The following WWOX variants were observed in gnomAD, a reference collection of about 807,000 sequenced individuals.
WWOX encodes WW domain containing oxidoreductase.
WWOX carries 69 observed loss-of-function variants against 46.2 expected under a neutral mutation model. The observed-to-expected ratio is 1.49, with a 90% CI of 1.23 to 1.82. The LOEUF is 1.82. WWOX is among the 40% of genes most tolerant of loss of function. The pLI is 0.00. For missense variants in WWOX, 919 were observed against 542.6 expected, an observed-to-expected ratio of 1.69 and a Z score of -6.89; for synonymous variants, 359 against 202.6, an observed-to-expected ratio of 1.77 and a Z score of -6.56.
At chr16:78,974,865 C>A (rs965110809) in intron 8 of WWOX, among the ~76,000 whole-genome samples, 1 of 152,172 alleles carries the variant, frequency 6.6e-6, no homozygotes, top group Non-Finnish European at 1.5e-5. Flanking sequence ...TTCCTGTCCA[C>A]TGGAGGCCCG....
intron 8 of WWOX, among the ~76,000 whole-genome samples, chr16:78,849,585 A>AAG (rs1555549762): frequency 6.6e-6 from 1 of 150,978 alleles, no homozygotes; most frequent in Non-Finnish European, 1.5e-5. Flanking sequence ...AAAAAAAAAA[A>AAG]AAAAAAAGAA....
chr16:79,062,025 G>T (rs2048365593), intron 8 of WWOX, among the ~76,000 whole-genome samples: 1 of 152,154 alleles, frequency 6.6e-6, no homozygotes, highest in Admixed American at 6.5e-5. Flanking sequence ...CTTCAAGGGA[G>T]AGTATGGTTT....
At chr16:78,914,411 A>G (rs1023372787) in intron 8 of WWOX, among the ~76,000 whole-genome samples, 17 of 152,092 alleles carry the variant, frequency 1.1e-4, no homozygotes, top group African/African-American at 3.1e-4. Context: ...GGAGTGAATG[A>G]ATGAGGGATT....
intron 8 of WWOX, among the ~76,000 whole-genome samples, chr16:78,946,230 G>T (rs557764154): frequency 6.6e-6 from 1 of 151,914 alleles, no homozygotes; most frequent in Non-Finnish European, 1.5e-5. Flanking sequence ...TTGCTCTGTC[G>T]CCCAGGATGG....
At chr16:79,158,366 A>G (rs1240342483) in intron 8 of WWOX, among the ~76,000 whole-genome samples, 3 of 152,238 alleles carry the variant, frequency 2.0e-5, no homozygotes, top group African/African-American at 7.2e-5. Flanking sequence ...ACTGAAGGTA[A>G]GGGAAACCAA....
intron 8 of WWOX, among the ~76,000 whole-genome samples, chr16:78,472,966 C>G (rs568837013): frequency 6.6e-6 from 1 of 152,292 alleles, no homozygotes; most frequent in African/African-American, 2.4e-5. Context: ...TGGGCCAAAT[C>G]TGATCTGCAG....
At chr16:78,983,393 A>T (rs2046720784) in intron 8 of WWOX, among the ~76,000 whole-genome samples, 1 of 152,108 alleles carries the variant, frequency 6.6e-6, no homozygotes, top group African/African-American at 2.4e-5. Context: ...CTTGGATAGG[A>T]TGGATATTTT....
intron 8 of WWOX, among the ~76,000 whole-genome samples, chr16:79,124,714 A>C (rs185770568): frequency 1.8e-4 from 27 of 152,350 alleles, no homozygotes; most frequent in Admixed American, 1.3e-4. Context: ...GGAGCAAAAC[A>C]GATGTGAAAC....
chr16:78,164,514 T>G (rs2151735848), intron 5 of WWOX, among the ~76,000 whole-genome samples: 1 of 152,322 alleles, frequency 6.6e-6, no homozygotes, highest in Non-Finnish European at 1.5e-5. Flanking sequence ...GCTTTATTAG[T>G]CAGGGGTTTG....
intron 8 of WWOX, among the ~76,000 whole-genome samples, chr16:78,734,310 A>T (rs545943575): frequency 6.6e-6 from 1 of 152,208 alleles, no homozygotes; most frequent in South Asian, 2.1e-4. Context: ...GCATCTCAGG[A>T]GGGTAGCCTC....
Position 78,346,798 on chromosome 16 carries a change from G to A in WWOX, c.517-40062G>A, listed in dbSNP as rs2081101632. Among the ~76,000 whole-genome samples the A allele has an allele frequency of 1.7e-5, 2 of 120,244 alleles. 1 individual carries two copies. Among genetic ancestry groups the A allele is most frequent in the Non-Finnish European group, 4.0e-5 (2 of 50,372 alleles). The allele number at this position is 120,244 out of a possible 152,430, so 78.9% of individuals were successfully genotyped here. A position where few individuals can be genotyped will look rare whatever the true frequency, so the allele number is the denominator to read the frequency against. On this transcript the variant is annotated intron_variant, in intron 5 of 8. Transcript: ENST00000566780. ...TGGTTTACTGCAACCTCTGCCTACTGGGTTCAAGCGATTTTCCTGCCTCAG... is the reference window on the plus strand; with the variant it reads ...TGGTTTACTGCAACCTCTGCCTACTAGGTTCAAGCGATTTTCCTGCCTCAG...
At chr16:78,943,076 C>T (rs187569594) in intron 8 of WWOX, among the ~76,000 whole-genome samples, 6 of 152,278 alleles carry the variant, frequency 3.9e-5, no homozygotes, top group Non-Finnish European at 7.4e-5. Context: ...AGGGCAATGA[C>T]GGCAACTATT....
At chr16:78,640,021 C>T (rs1482098813) in intron 8 of WWOX, among the ~76,000 whole-genome samples, 1 of 152,098 alleles carries the variant, frequency 6.6e-6, no homozygotes, top group African/African-American at 2.4e-5. Context: ...AGCCTGTGAC[C>T]ACACAGATAG....
intron 5 of WWOX, among the ~76,000 whole-genome samples, chr16:78,194,770 G>A (rs1172349080): frequency 6.8e-6 from 1 of 146,574 alleles, no homozygotes; most frequent in Non-Finnish European, 1.5e-5. Context: ...TGTTATCCCT[G>A]CCTGGTTTAA....
At chr16:78,146,049 T>TA (rs2034187152) in intron 4 of WWOX, 1 of 152,206 alleles carries the variant, frequency 6.6e-6, no homozygotes, top group Non-Finnish European at 1.5e-5. Flanking sequence ...CTTGCCCTGA[T>TA]AAGGACTTTA....
chr16:78,993,440 G>C (rs1442035973), intron 8 of WWOX, among the ~76,000 whole-genome samples: 1 of 152,156 alleles, frequency 6.6e-6, no homozygotes, highest in Non-Finnish European at 1.5e-5. Context: ...ATGACAGTGC[G>C]GCTGGATAAG....
intron 8 of WWOX, among the ~76,000 whole-genome samples, chr16:78,954,941 C>A (rs7205145): frequency 1.3e-5 from 2 of 152,072 alleles, no homozygotes; most frequent in African/African-American, 2.4e-5. Context: ...AGGCACGGGA[C>A]ACCATGCCAG....
chr16:78,422,037 A>C (rs898568749), intron 6 of WWOX, among the ~76,000 whole-genome samples: 4 of 152,218 alleles, frequency 2.6e-5, no homozygotes, highest in African/African-American at 4.8e-5. Context: ...AAATATTTTA[A>C]TATTTACTAC....
At chr16:78,334,318 A>G (rs1034985869) in intron 5 of WWOX, among the ~76,000 whole-genome samples, 1 of 152,234 alleles carries the variant, frequency 6.6e-6, no homozygotes, top group Non-Finnish European at 1.5e-5. Flanking sequence ...TGAATGCAAC[A>G]TGAATCATTT....
Sources: gnomAD v4.1 joint callset for allele counts (sites outside exome capture counted in the v4.1 genomes callset) on GRCh38, gnomAD v4.1.1 for gene constraint, MANE v1.5 for transcripts, NCBI Gene and HGNC (gene_info 2026-07-23, HGNC 2026-07-21) for gene names.